Variants in PCDH9 observed in about 807,000 individuals in gnomAD.
The protein encoded by PCDH9 is protocadherin-9.
PCDH9 carries 24 observed loss-of-function variants against 70.6 expected under a neutral mutation model. The observed-to-expected ratio is 0.34, with a 90% CI of 0.25 to 0.48. The LOEUF is 0.48. PCDH9 is among the 20% of genes least tolerant of loss of function. The probability of loss-of-function intolerance (pLI) is 0.99; values close to 1 mark genes in which losing one functional copy is unlikely to be tolerated. For synonymous variants in PCDH9, 562 were observed against 558.5 expected, an observed-to-expected ratio of 1.01 and a Z score of -0.09; for missense variants, 1,281 against 1,503.6, an observed-to-expected ratio of 0.85 and a Z score of 2.45.
intron 2 of PCDH9, among the ~76,000 whole-genome samples, chr13:67,036,980 T>C (rs1275820127): frequency 6.6e-6 from 1 of 152,164 alleles, no homozygotes; most frequent in African/African-American, 2.4e-5. Flanking sequence ...AAGGAAACTA[T>C]ATTATGGGTT....
rs1419949681 is a variant in PCDH9 at position 67,109,195 on chromosome 13, C to G, written c.3036+116210G>C. Reference sequence around the variant, plus strand: ...GGAAAAAATAAAAGGTGATCCTTAGCTTGTTGAAACTGGGTTCTCCACCTT... The same window carrying G: ...GGAAAAAATAAAAGGTGATCCTTAGGTTGTTGAAACTGGGTTCTCCACCTT... On this transcript the variant is annotated intron_variant, in intron 2 of 4. Coordinates refer to ENST00000377865, the MANE Select transcript of PCDH9 (RefSeq NM_203487.3). Among the ~76,000 whole-genome samples the G allele has an allele frequency of 8.5e-5, 13 of 152,120 alleles. 1 individual carries two copies. Among genetic ancestry groups the G allele is most frequent in the Admixed American group, 8.5e-4 (13 of 15,262 alleles).
chr13:67,214,320 A>G (rs1288204393), intron 2 of PCDH9: 2 of 152,214 alleles, frequency 1.3e-5, no homozygotes, highest in African/African-American at 4.8e-5. Flanking sequence ...TGATTACACC[A>G]TGGATGCCAT....
intron 3 of PCDH9, among the ~76,000 whole-genome samples, chr13:66,654,513 TG>T (rs2077899996): frequency 6.6e-6 from 1 of 152,120 alleles, no homozygotes; most frequent in Non-Finnish European, 1.5e-5. Context: ...ACACTTGAGG[TG>T]AGGGATACCC....
intron 3 of PCDH9, among the ~76,000 whole-genome samples, chr13:66,795,490 G>A (rs750418217): frequency 5.9e-5 from 9 of 151,928 alleles, no homozygotes; most frequent in Non-Finnish European, 8.8e-5. Context: ...TATATGACTG[G>A]GGGAAAATAT....
chr13:66,949,888 G>C (rs1268931178), intron 2 of PCDH9, among the ~76,000 whole-genome samples: 1 of 151,970 alleles, frequency 6.6e-6, no homozygotes, highest in African/African-American at 2.4e-5. Context: ...AACAGACATA[G>C]AAAGGCATTT....
chr13:66,535,647 T>G (rs1960667122), intron 4 of PCDH9, among the ~76,000 whole-genome samples: 1 of 152,032 alleles, frequency 6.6e-6, no homozygotes, highest in African/African-American at 2.4e-5. Context: ...ACAAGAAAAT[T>G]TCCCCTTTAC....
chr13:66,677,168 T>G (rs1487349873), intron 3 of PCDH9, among the ~76,000 whole-genome samples: 4 of 152,048 alleles, frequency 2.6e-5, no homozygotes, highest in Non-Finnish European at 5.9e-5. Flanking sequence ...TAAACACAAA[T>G]GCCCAGACAG....
chr13:66,948,152 A>G (rs1469126613), intron 2 of PCDH9, among the ~76,000 whole-genome samples: 1 of 152,122 alleles, frequency 6.6e-6, no homozygotes, highest in Non-Finnish European at 1.5e-5. Context: ...GACACAAATT[A>G]GGACTCTGGA....
chr13:66,593,997 C>G (rs764481912), intron 4 of PCDH9, among the ~76,000 whole-genome samples: 1 of 151,298 alleles, frequency 6.6e-6, no homozygotes, highest in East Asian at 1.9e-4. Flanking sequence ...TTGGACAACA[C>G]GTGATATGGC....
At chr13:66,890,701 T>C (rs1378008774) in intron 3 of PCDH9, among the ~76,000 whole-genome samples, 2 of 152,094 alleles carry the variant, frequency 1.3e-5, no homozygotes, top group Non-Finnish European at 2.9e-5. Context: ...AATGGCCTAA[T>C]CACATCGACC....
chr13:66,550,245 A>G (rs1280279043), intron 4 of PCDH9, among the ~76,000 whole-genome samples: 8 of 152,084 alleles, frequency 5.3e-5, no homozygotes, highest in African/African-American at 1.9e-4. Flanking sequence ...CAAGTAATAG[A>G]ATATCACAGA....
intron 3 of PCDH9, among the ~76,000 whole-genome samples, chr13:66,826,441 A>G (rs1038215190): frequency 6.6e-6 from 1 of 152,214 alleles, no homozygotes; most frequent in African/African-American, 2.4e-5. Context: ...CATATCTGAG[A>G]CAAAATAGTT....
At chr13:66,604,637 C>G (rs2077201081) in intron 4 of PCDH9, among the ~76,000 whole-genome samples, 1 of 151,992 alleles carries the variant, frequency 6.6e-6, no homozygotes, top group Admixed American at 6.6e-5. Context: ...AAACTGTTAA[C>G]TCAGTACGTA....
intron 3 of PCDH9, among the ~76,000 whole-genome samples, chr13:66,650,887 A>G (rs2093666): frequency 0.95 from 143,877 of 152,010 alleles, 68,633 homozygotes; most frequent in East Asian, 1. Flanking sequence ...GAGGAATTTG[A>G]AAACTATACA....
In PCDH9 at chr13:66,886,048, C is replaced by T. The variant is rs551866368; in HGVS notation, c.3138+17456G>A. 18 of 152,192 alleles carry T rather than the reference C, an allele frequency of 1.2e-4. No individual in the cohort carries two copies. The East Asian group carries it at 2.1e-3, about 18-fold the overall frequency. The allele number at this position is 152,192 out of a possible 1,614,324, so 9.4% of individuals were successfully genotyped here. ...CTTTAACCATGGATCGATTTTCACA[C>T]CACGTTTCAATGGAGAACATGAACT... is the stretch of plus-strand genomic sequence containing the variant. On this transcript the variant is annotated intron_variant, in intron 3 of 4. Coordinates refer to ENST00000377865, the MANE Select transcript of PCDH9 (RefSeq NM_203487.3).
chr13:66,888,793 C>T (rs1183503914), intron 3 of PCDH9, among the ~76,000 whole-genome samples: 1 of 152,098 alleles, frequency 6.6e-6, no homozygotes, highest in Non-Finnish European at 1.5e-5. Context: ...CCTTTCTCTA[C>T]AAAGAAATGC....
chr13:66,901,299 A>G lies in PCDH9; in HGVS notation c.3138+2205T>C, dbSNP rs1037736624. 4.6e-5 allele frequency among the ~76,000 whole-genome samples: 7 copies of G among 151,896 alleles called. No homozygotes were observed. In the South Asian group the frequency reaches 1.5e-3, roughly 31 times the overall value. ...GAATGATGGGAGAATATACATATAAACTTCTTGAAACAGTCCCTAGCACAG... is the reference window on the plus strand; with the variant it reads ...GAATGATGGGAGAATATACATATAAGCTTCTTGAAACAGTCCCTAGCACAG... On this transcript the variant is annotated intron_variant, in intron 3 of 4. Transcript: ENST00000377865.
At chr13:66,389,458 C>T (rs1461238737) in intron 4 of PCDH9, among the ~76,000 whole-genome samples, 1 of 152,162 alleles carries the variant, frequency 6.6e-6, no homozygotes, top group Non-Finnish European at 1.5e-5. Flanking sequence ...CAATTTGAAG[C>T]TATAATAATT....
At chr13:66,984,221 A>G (rs2083840938) in intron 2 of PCDH9, among the ~76,000 whole-genome samples, 3 of 152,278 alleles carry the variant, frequency 2.0e-5, no homozygotes, top group African/African-American at 7.2e-5. Context: ...AACACAAAAC[A>G]GGGAAATTGC....
Sources: gnomAD v4.1 joint callset for allele counts (sites outside exome capture counted in the v4.1 genomes callset) on GRCh38, gnomAD v4.1.1 for gene constraint, MANE v1.5 for transcripts, NCBI Gene and HGNC (gene_info 2026-07-23, HGNC 2026-07-21) for gene names.